UNC5D: variants seen among roughly 807,000 people sequenced by gnomAD.
The protein encoded by UNC5D is netrin receptor UNC5D.
UNC5D carries 39 observed loss-of-function variants against 105.4 expected under a neutral mutation model. The ratio of observed to expected loss-of-function variants is 0.37; its 90% confidence interval spans 0.29 to 0.48. The LOEUF is 0.48. Ranked by LOEUF, UNC5D falls within the 20% of genes least tolerant of loss-of-function variation. The probability of loss-of-function intolerance (pLI) is 0.98; values close to 1 mark genes in which losing one functional copy is unlikely to be tolerated. For missense variants in UNC5D, 991 were observed against 1,202.4 expected (o/e 0.82, Z 2.60); for synonymous variants, 452 against 450.4 (o/e 1.00, Z -0.04).
At chr8:35,449,056 A>G (rs923755561) in intron 1 of UNC5D, among the ~76,000 whole-genome samples, 3 of 152,192 alleles carry the variant, frequency 2.0e-5, no homozygotes, top group African/African-American at 7.2e-5. Context: ...TTAATGAATG[A>G]ACACCAAAGC....
chr8:35,762,476 A>G (rs1801579604), intron 14 of UNC5D, among the ~76,000 whole-genome samples: 1 of 152,194 alleles, frequency 6.6e-6, no homozygotes, highest in South Asian at 2.1e-4. Flanking sequence ...CCTTGGTTCA[A>G]AGAAAACCTG....
At chr8:35,644,836 T>G (rs1040515936) in intron 4 of UNC5D, among the ~76,000 whole-genome samples, 3 of 152,182 alleles carry the variant, frequency 2.0e-5, no homozygotes, top group African/African-American at 7.2e-5. Context: ...AAGAGTTAGA[T>G]GTTTATGTCT....
intron 4 of UNC5D, among the ~76,000 whole-genome samples, chr8:35,677,564 A>G (rs1825334973): frequency 6.6e-6 from 1 of 152,162 alleles, no homozygotes. Context: ...CAAAAGCATA[A>G]ATCCAAGCAC....
chr8:35,506,918 G>C (rs187116741), intron 1 of UNC5D, among the ~76,000 whole-genome samples: 112 of 152,164 alleles, frequency 7.4e-4, no homozygotes, highest in African/African-American at 2.5e-3. Context: ...AATGATACCG[G>C]CCATGTTGCT....
At chr8:35,360,720 G>A (rs559823798) in intron 1 of UNC5D, among the ~76,000 whole-genome samples, 3 of 152,218 alleles carry the variant, frequency 2.0e-5, no homozygotes, top group Non-Finnish European at 2.9e-5. Flanking sequence ...TAGGAGTCTG[G>A]GAAACTATAT....
intron 4 of UNC5D, among the ~76,000 whole-genome samples, chr8:35,615,377 C>G (rs1438723331): frequency 1.3e-5 from 2 of 152,124 alleles, no homozygotes; most frequent in African/African-American, 4.8e-5. Context: ...TTTCTCCTTG[C>G]TTGGAATGTC....
In UNC5D at chr8:35,795,664, T is replaced by C. The variant is rs1162938222; in HGVS notation, c.*5101T>C. 1 of 152,172 alleles carries C rather than the reference T, an allele frequency of 6.6e-6. No individual in the cohort carries two copies. Among genetic ancestry groups the C allele is most frequent in the Non-Finnish European group, 1.5e-5 (1 of 68,028 alleles). 9.4% of individuals were successfully genotyped at this position (152,172 alleles called of 1,614,324 possible). A position where few individuals can be genotyped will look rare whatever the true frequency, so the allele number is the denominator to read the frequency against. ...AATATAAGCCTCAGCAGAGGGTAAC[T>C]GAAAACTTTCAATCAGAAACACTCT... On this transcript the variant is annotated 3_prime_UTR_variant, in exon 17 of 17. Coordinates refer to ENST00000404895, the MANE Select transcript of UNC5D (RefSeq NM_080872.4).
chr8:35,518,505 G>C (rs1478749612), intron 1 of UNC5D, among the ~76,000 whole-genome samples: 2 of 152,140 alleles, frequency 1.3e-5, no homozygotes, highest in African/African-American at 4.8e-5. Flanking sequence ...ATGGTAGATA[G>C]ATCGATGGTC....
chr8:35,734,968 G>C (rs1829389583), intron 11 of UNC5D, among the ~76,000 whole-genome samples: 1 of 151,720 alleles, frequency 6.6e-6, no homozygotes, highest in Non-Finnish European at 1.5e-5. Context: ...ATTTTTAGTA[G>C]AGACAGGGCA....
chr8:35,721,345 T>C (rs1828571633), intron 8 of UNC5D: 1 of 694,040 alleles, frequency 1.4e-6, no homozygotes. Flanking sequence ...AACGCACCTC[T>C]AGAAAAAAGG....
At chr8:35,710,533 G>C (rs1827873284) in intron 8 of UNC5D, among the ~76,000 whole-genome samples, 1 of 152,118 alleles carries the variant, frequency 6.6e-6, no homozygotes, top group Non-Finnish European at 1.5e-5. Context: ...TCAGAGAAGT[G>C]CAGGCTGGTA....
chr8:35,669,372 C>G (rs1824627664), intron 4 of UNC5D, among the ~76,000 whole-genome samples: 1 of 152,066 alleles, frequency 6.6e-6, no homozygotes, highest in African/African-American at 2.4e-5. Context: ...TAGTCAGTAC[C>G]TAACAGTGCA....
chr8:35,331,901 T>A (rs1563320048), intron 1 of UNC5D, among the ~76,000 whole-genome samples: 2 of 152,160 alleles, frequency 1.3e-5, no homozygotes, highest in African/African-American at 4.8e-5. Flanking sequence ...ACAATACATA[T>A]AAAGTATAGT....
intron 4 of UNC5D, among the ~76,000 whole-genome samples, chr8:35,668,855 C>T (rs1411124498): frequency 6.6e-6 from 1 of 152,066 alleles, no homozygotes; most frequent in Non-Finnish European, 1.5e-5. Flanking sequence ...TCACTTTTTA[C>T]TACAGTGATA....
chr8:35,725,797 T>A (rs549368111), intron 9 of UNC5D, among the ~76,000 whole-genome samples: 1 of 152,360 alleles, frequency 6.6e-6, no homozygotes, highest in East Asian at 1.9e-4. Flanking sequence ...CCCTCTTTTT[T>A]TGTTATTTTA....
chr8:35,722,408 G>A lies in UNC5D; in HGVS notation c.1303+13G>A, dbSNP rs771747271. The stretch of plus-strand genomic sequence containing the variant: ...ACAGTCCGTCAAGGTCAGCGGCATA[G>A]GTCCCTCCACACCTCGTCCTCAGTG... On this transcript the variant is annotated intron_variant, in intron 9 of 16. Coordinates refer to ENST00000404895, the MANE Select transcript of UNC5D (RefSeq NM_080872.4). 1 of 1,611,380 alleles carries A rather than the reference G, an allele frequency of 6.2e-7. No homozygotes were observed. Among genetic ancestry groups the A allele is most frequent in the South Asian group, 1.1e-5 (1 of 90,714 alleles).
Position 35,291,529 on chromosome 8 carries a change from T to G in UNC5D, c.103+55642T>G, listed in dbSNP as rs1267200884. On this transcript the variant is annotated intron_variant, in intron 1 of 16. Transcript: ENST00000404895. ...GATGGTGGGAAAACGGGCCTGATTT[T>G]GCAGTAGAAAAAAACTGAGCTGGAA... 2.6e-5 allele frequency among the ~76,000 whole-genome samples: 4 copies of G among 152,190 alleles called. No homozygotes were observed. In the East Asian group the frequency reaches 7.7e-4, roughly 29 times the overall value.
At chr8:35,328,939 T>C (rs1305751564) in intron 1 of UNC5D, among the ~76,000 whole-genome samples, 1 of 152,164 alleles carries the variant, frequency 6.6e-6, no homozygotes, top group Non-Finnish European at 1.5e-5. Flanking sequence ...CACATCTCTT[T>C]GCCCCAATTC....
chr8:35,329,393 T>C (rs1018067971), intron 1 of UNC5D, among the ~76,000 whole-genome samples: 1 of 82,110 alleles, frequency 1.2e-5, no homozygotes, highest in Non-Finnish European at 2.5e-5. Flanking sequence ...CTGTTTTTTA[T>C]TGGGTTGATA....
Sources: gnomAD v4.1 joint callset for allele counts (sites outside exome capture counted in the v4.1 genomes callset) on GRCh38, gnomAD v4.1.1 for gene constraint, MANE v1.5 for transcripts, NCBI Gene and HGNC (gene_info 2026-07-23, HGNC 2026-07-21) for gene names.